Variants in SFXN5 observed in about 807,000 individuals in gnomAD.
SFXN5 encodes sideroflexin-5.
Under a neutral mutation model 50.2 loss-of-function variants are expected in SFXN5, and 43 were observed. That is an observed-to-expected ratio of 0.86 (90% confidence interval 0.67 to 1.11). The LOEUF is 1.11. Ranked by LOEUF, SFXN5 falls within the 50% of genes least tolerant of loss-of-function variation. SFXN5 has a pLI of 0.00. For missense variants in SFXN5, 463 were observed against 454.1 expected, an observed-to-expected ratio of 1.02 and a Z score of -0.18; for synonymous variants, 203 against 185.8, an observed-to-expected ratio of 1.09 and a Z score of -0.75.
At position 72,971,684 on chromosome 2, in the gene SFXN5, G is replaced by C; in HGVS notation, c.627C>G (p.Ala209=). 1 of 1,611,858 alleles carries C rather than the reference G, an allele frequency of 6.2e-7. No homozygotes were observed. Among genetic ancestry groups the C allele is most frequent in the Non-Finnish European group, 8.5e-7 (1 of 1,178,034 alleles). ...IQRFVPFPAV[A]SANICNVVLM... Reference sequence around the variant, plus strand: ...GGACCACATTGCAGATATTGGCACTGGCTGCAGAGAGAGGGGATGCAGAGA... The same window carrying C: ...GGACCACATTGCAGATATTGGCACTCGCTGCAGAGAGAGGGGATGCAGAGA... The change falls in exon 11 of 14, where the codon GCC becomes GCG. Residue 209 remains alanine (A), a splice_region_variant and synonymous_variant. Transcript: ENST00000272433.
intron 3 of SFXN5, among the ~76,000 whole-genome samples, chr2:73,025,606 A>G (rs1305731322): frequency 6.6e-6 from 1 of 152,186 alleles, no homozygotes; most frequent in African/African-American, 2.4e-5. Context: ...GAGGAAGGGG[A>G]CGTGACAGCA....
At chr2:73,027,672 C>CA (rs1677745093) in intron 3 of SFXN5, among the ~76,000 whole-genome samples, 1 of 149,784 alleles carries the variant, frequency 6.7e-6, no homozygotes, top group Non-Finnish European at 1.5e-5. Flanking sequence ...TTTTTTTTTT[C>CA]TTTTTTTAGA....
intron 12 of SFXN5, among the ~76,000 whole-genome samples, chr2:72,962,569 G>C (rs1044076033): frequency 6.6e-6 from 1 of 152,230 alleles, no homozygotes; most frequent in African/African-American, 2.4e-5. Flanking sequence ...AACCCTCCAT[G>C]AGTCTAAAAT....
intron 3 of SFXN5, among the ~76,000 whole-genome samples, chr2:73,030,816 T>C (rs945332086): frequency 1.3e-5 from 2 of 152,222 alleles, no homozygotes; most frequent in Non-Finnish European, 2.9e-5. Context: ...GGAGTTACTA[T>C]ATTGTGAGAA....
At chr2:72,968,732 TTCCC>T (rs1674781994) in intron 11 of SFXN5, among the ~76,000 whole-genome samples, 199 bp from the exon 12 acceptor site, 1 of 149,102 alleles carries the variant, frequency 6.7e-6, no homozygotes, top group African/African-American at 2.5e-5. Context: ...TCCTTCCTCC[TTCCC>T]TCCCTCCCTC....
chr2:73,030,143 A>G (rs1481014999), intron 3 of SFXN5, among the ~76,000 whole-genome samples: 2 of 152,022 alleles, frequency 1.3e-5, no homozygotes, highest in Non-Finnish European at 2.9e-5. Flanking sequence ...AACAAAAACA[A>G]AAAAGTCTCA....
At chr2:72,946,784 AGCCAGT>A (rs1317752393) in intron 13 of SFXN5, among the ~76,000 whole-genome samples, 1 of 152,118 alleles carries the variant, frequency 6.6e-6, no homozygotes, top group Non-Finnish European at 1.5e-5. Context: ...CCCCAACCAC[AGCCAGT>A]GCCGGCCTTC....
intron 9 of SFXN5, among the ~76,000 whole-genome samples, chr2:72,989,262 C>G (rs1214700084): frequency 6.6e-6 from 1 of 152,192 alleles, no homozygotes; most frequent in Non-Finnish European, 1.5e-5. Flanking sequence ...TGCCTCCCTC[C>G]TCCGCTCAGT....
intron 2 of SFXN5, among the ~76,000 whole-genome samples, chr2:73,046,767 C>T (rs761383687): frequency 6.6e-6 from 1 of 152,082 alleles, no homozygotes; most frequent in Non-Finnish European, 1.5e-5. Flanking sequence ...TCTAAGGGTA[C>T]TGACAATGGG....
intron 13 of SFXN5, among the ~76,000 whole-genome samples, chr2:72,955,877 C>G (rs1573944376): frequency 6.6e-6 from 1 of 152,356 alleles, no homozygotes; most frequent in East Asian, 1.9e-4. Flanking sequence ...CTGGCCCTAC[C>G]ACAAGGGAGG....
At chr2:72,995,111 C>T (rs1261938267) in intron 9 of SFXN5, 4 of 152,374 alleles carry the variant, frequency 2.6e-5, no homozygotes, top group Admixed American at 1.3e-4. Flanking sequence ...TCCCTGAAGC[C>T]CCCAGCACCT....
rs1671713184 is a variant in SFXN5, at chr2:72,944,389, G to T, written c.*633C>A. On this transcript the variant is annotated 3_prime_UTR_variant, in exon 14 of 14. Transcript: ENST00000272433. ...GGGCTGGCTACATTCAGAGCCAGCT[G>T]CCCACAGAATCTTGCAGAGGCCTCC... is the stretch of plus-strand genomic sequence containing the variant. 6.6e-6 allele frequency: 1 copy of T among 152,440 alleles called. No individual in the cohort carries two copies. The highest frequency in any genetic ancestry group is 1.5e-5 in the Non-Finnish European group (1 of 68,264). The allele number at this position is 152,440 out of a possible 1,614,324, so 9.4% of individuals were successfully genotyped here.
chr2:72,958,272 G>A, intron 13 of SFXN5, among the ~76,000 whole-genome samples: 1 of 152,140 alleles, frequency 6.6e-6, no homozygotes, highest in East Asian at 1.9e-4. Context: ...TGGTTGACTA[G>A]GGAGAGAAAC....
intron 13 of SFXN5, among the ~76,000 whole-genome samples, chr2:72,956,045 C>T (rs765694273): frequency 2.6e-5 from 4 of 152,216 alleles, no homozygotes; most frequent in South Asian, 4.1e-4. Flanking sequence ...AGGGGTCCTA[C>T]GTGGCCATCC....
At chr2:73,016,668 C>T (rs1225431506) in intron 6 of SFXN5, among the ~76,000 whole-genome samples, 2 of 152,252 alleles carry the variant, frequency 1.3e-5, no homozygotes, top group South Asian at 2.1e-4. Flanking sequence ...CATGCCACTG[C>T]GCTCCAGCCT....
chr2:72,950,115 T>G lies in SFXN5; in HGVS notation c.946-5016A>C, dbSNP rs1262940057. On this transcript the variant is annotated intron_variant, in intron 13 of 13. Transcript: ENST00000272433. The surrounding 1 kb of genome is among the most constrained non-coding windows in gnomAD (Gnocchi z 4.2). Reference sequence around the variant, plus strand: ...GGAGGAGCTCGCCCAGGGAAGCAGATGGAGGGGTGGGTGCCAAGGCCTGGG... The same window carrying G: ...GGAGGAGCTCGCCCAGGGAAGCAGAGGGAGGGGTGGGTGCCAAGGCCTGGG... 6.7e-6 allele frequency among the ~76,000 whole-genome samples: 1 copy of G among 149,972 alleles called. No homozygotes were observed.
chr2:73,071,712 TGAC>T, upstream of SFXN5: 1 of 1,611,268 alleles, frequency 6.2e-7, no homozygotes, highest in Non-Finnish European at 8.5e-7. Flanking sequence ...CCATGGCCAC[TGAC>T]GCCCGCAATC....
chr2:73,022,871 G>A (rs889706295), intron 4 of SFXN5, among the ~76,000 whole-genome samples: 5 of 152,176 alleles, frequency 3.3e-5, no homozygotes, highest in African/African-American at 1.2e-4. Context: ...CATGGGGAAC[G>A]GGATCGTGTC....
At position 72,953,236 on chromosome 2, in the gene SFXN5, C is replaced by T. The variant is rs1045173447; in HGVS notation, c.945+7895G>A. Reference sequence around the variant, plus strand: ...TCCTGGGGGGTCCTGTGGGCAAACTCCAAGAAAGCAGCGGGCGGGGAGGCA... The same window carrying T: ...TCCTGGGGGGTCCTGTGGGCAAACTTCAAGAAAGCAGCGGGCGGGGAGGCA... On this transcript the variant is annotated intron_variant, in intron 13 of 13. Coordinates refer to ENST00000272433, the MANE Select transcript of SFXN5 (RefSeq NM_144579.3). The surrounding 1 kb of genome is among the most constrained non-coding windows in gnomAD (Gnocchi z 4.1). Among the ~76,000 whole-genome samples the T allele has an allele frequency of 1.3e-5, 2 of 152,144 alleles. No homozygotes were observed. The highest frequency in any genetic ancestry group is 2.9e-5 in the Non-Finnish European group (2 of 68,048).
Sources: gnomAD v4.1 joint callset for allele counts (sites outside exome capture counted in the v4.1 genomes callset) on GRCh38, gnomAD v4.1.1 for gene constraint, Gnocchi (gnomAD v3.1) non-coding constraint, MANE v1.5 for transcripts, NCBI Gene and HGNC (gene_info 2026-07-23, HGNC 2026-07-21) for gene names.